The following AADAT variants were observed in gnomAD, a reference collection of about 807,000 sequenced individuals.
The protein encoded by AADAT is aminoadipate aminotransferase.
AADAT carries 25 observed loss-of-function variants against 56.2 expected under a neutral mutation model. The ratio of observed to expected loss-of-function variants is 0.44; its 90% CI spans 0.32 to 0.62. AADAT has a LOEUF of 0.62. AADAT is among the 20% of genes least tolerant of loss of function. The pLI, the probability that AADAT is intolerant of heterozygous loss-of-function variation, is 0.04. For synonymous variants in AADAT, 173 were observed against 164.7 expected (o/e 1.05, Z -0.39); for missense variants, 387 against 510.5 (o/e 0.76, Z 2.33).
chr4:170,062,712 C>T (rs959168081), intron 11 of AADAT, among the ~76,000 whole-genome samples: 3 of 152,082 alleles, frequency 2.0e-5, no homozygotes, highest in Non-Finnish European at 4.4e-5. Flanking sequence ...ACCATGAGAG[C>T]GAATCCTAAT....
chr4:170,068,945 G>A (rs1731620120), intron 7 of AADAT, among the ~76,000 whole-genome samples: 1 of 152,078 alleles, frequency 6.6e-6, no homozygotes, highest in African/African-American at 2.4e-5. Flanking sequence ...TACAACTTTA[G>A]ATAAACAGCC....
chr4:170,082,856 G>A (rs1423159952), intron 3 of AADAT, among the ~76,000 whole-genome samples: 1 of 151,764 alleles, frequency 6.6e-6, no homozygotes, highest in Non-Finnish European at 1.5e-5. Flanking sequence ...TGATAAAGGG[G>A]TCAATTCAGC....
chr4:170,068,138 C>CAAA (rs1217763818), intron 8 of AADAT, among the ~76,000 whole-genome samples: 1 of 72,918 alleles, frequency 1.4e-5, no homozygotes, highest in Non-Finnish European at 2.9e-5. Flanking sequence ...GACTCTGTCT[C>CAAA]AAAAAAAAAA....
At chr4:170,083,714 T>C (rs1359166238) in intron 3 of AADAT, among the ~76,000 whole-genome samples, 2 of 152,120 alleles carry the variant, frequency 1.3e-5, no homozygotes, top group African/African-American at 4.8e-5. Flanking sequence ...TCAAAATGGC[T>C]AGTTTCAAAA....
At chr4:170,090,466 G>A (rs182884798), upstream of AADAT, 2 of 152,298 alleles carry the variant, frequency 1.3e-5, no homozygotes, top group Admixed American at 1.3e-4. Context: ...AAGCATCCCG[G>A]CGACCAAGAC....
At chr4:170,064,879 T>C in intron 10 of AADAT, 54 bp from the exon 11 acceptor site, 3 of 1,484,984 alleles carry the variant, frequency 2.0e-6, no homozygotes, top group African/African-American at 1.4e-5. Context: ...TTTTTGATGA[T>C]ATCAAAGTGT....
chr4:170,061,489 G>A (rs1211530428), intron 12 of AADAT, among the ~76,000 whole-genome samples: 1 of 152,166 alleles, frequency 6.6e-6, no homozygotes, highest in Non-Finnish European at 1.5e-5. Context: ...TTTGGTTAAA[G>A]CTAGATTGTG....
At chr4:170,066,578 G>T in intron 9 of AADAT, 100 bp from the exon 10 acceptor site, 1 of 859,972 alleles carries the variant, frequency 1.2e-6, no homozygotes, top group Non-Finnish European at 1.9e-6. Context: ...TTTCTATCTT[G>T]ATTAAAATGT....
upstream of AADAT, among the ~76,000 whole-genome samples, chr4:170,091,096 T>C (rs540485760): frequency 3.9e-5 from 6 of 152,350 alleles, no homozygotes; most frequent in South Asian, 1.2e-3. Flanking sequence ...CGCTCACTCT[T>C]GGCGCCTCCT....
At chr4:170,068,557 C>A (rs1395022664) in intron 8 of AADAT, 34 bp downstream of exon 8, 4 of 1,347,770 alleles carry the variant, frequency 3.0e-6, no homozygotes, top group East Asian at 2.9e-5. Flanking sequence ...AATCTGATTA[C>A]AAAAAAAAAA....
intron 9 of AADAT, among the ~76,000 whole-genome samples, chr4:170,066,794 G>A (rs1731486386): frequency 6.6e-6 from 1 of 152,070 alleles, no homozygotes; most frequent in South Asian, 2.1e-4. Context: ...CATCACTCAG[G>A]ATAAAAGACA....
Position 170,069,133 on chromosome 4 carries a change from G to C in AADAT, c.803+15C>G. ...CTATTAGATCTAGCGTCAAGTTAGAGACACAGGGCCTTACCCAGAGGAAAT... is the reference window on the plus strand; with the variant it reads ...CTATTAGATCTAGCGTCAAGTTAGACACACAGGGCCTTACCCAGAGGAAAT... On this transcript the variant is annotated intron_variant, in intron 7 of 12. Coordinates refer to ENST00000337664, the MANE Select transcript of AADAT (RefSeq NM_016228.4). The C allele has an allele frequency of 1.2e-6, 2 of 1,607,860 alleles. No individual in the cohort carries two copies. The highest frequency in any genetic ancestry group is 8.5e-7 in the Non-Finnish European group (1 of 1,176,802).
chr4:170,060,984 A>T lies in AADAT; in HGVS notation c.1237-15T>A, dbSNP rs1731161951. ...ACCTGGAAGGCCTAAAACAGAAAAAAAAAATTAGAATTAATTAAATTAGGA... is the reference window on the plus strand; with the variant it reads ...ACCTGGAAGGCCTAAAACAGAAAAATAAAATTAGAATTAATTAAATTAGGA... On this transcript the variant is annotated splice_polypyrimidine_tract_variant and intron_variant, in intron 12 of 12. Coordinates refer to ENST00000337664, the MANE Select transcript of AADAT (RefSeq NM_016228.4). 5 of 1,464,824 alleles carry T rather than the reference A, an allele frequency of 3.4e-6. No individual in the cohort carries two copies. The African/African-American group carries it at 7.2e-5, about 21-fold the overall frequency. 90.7% of individuals were successfully genotyped at this position (1,464,824 alleles called of 1,614,324 possible).
upstream of AADAT, among the ~76,000 whole-genome samples, chr4:170,094,183 G>C (rs568007390): frequency 6.6e-6 from 1 of 152,330 alleles, no homozygotes; most frequent in Non-Finnish European, 1.5e-5. Context: ...TGGAATGCAG[G>C]GGCACTGGGG....
At chr4:170,076,046 T>C (rs1176179240) in intron 4 of AADAT, among the ~76,000 whole-genome samples, 1 of 152,236 alleles carries the variant, frequency 6.6e-6, no homozygotes, top group Non-Finnish European at 1.5e-5. Context: ...AATATTGCAA[T>C]GAACATTTGT....
At chr4:170,077,286 TTAATATCTTAACAATATTAA>T (rs1732087654) in intron 4 of AADAT, among the ~76,000 whole-genome samples, 1 of 152,240 alleles carries the variant, frequency 6.6e-6, no homozygotes, top group African/African-American at 2.4e-5. Context: ...TAGGGTAGTA[TTAATATCTTAACAATATTAA>T]GTCTTCCAAT....
intron 9 of AADAT, 130 bp from the exon 10 acceptor site, chr4:170,066,608 T>C: frequency 1.5e-6 from 1 of 661,908 alleles, no homozygotes; most frequent in South Asian, 1.9e-5. Flanking sequence ...GATAGAAGAA[T>C]GGAGCATATT....
upstream of AADAT, among the ~76,000 whole-genome samples, chr4:170,092,434 A>C (rs531879910): frequency 2.6e-5 from 4 of 152,336 alleles, no homozygotes; most frequent in South Asian, 4.1e-4. Flanking sequence ...CCACGAACCC[A>C]CCAGAAGGAA....
chr4:170,069,451 C>T (rs918098427), intron 6 of AADAT, among the ~76,000 whole-genome samples: 1 of 152,156 alleles, frequency 6.6e-6, no homozygotes, highest in African/African-American at 2.4e-5. Flanking sequence ...AAAACACACA[C>T]AAGGGCTTAT....
Sources: allele counts gnomAD v4.1 joint callset (sites outside exome capture counted in the v4.1 genomes callset), GRCh38; gene constraint gnomAD v4.1.1; transcripts MANE v1.5; gene names NCBI Gene and HGNC (gene_info 2026-07-23, HGNC 2026-07-21).